FADS2: variants seen among roughly 807,000 people sequenced by gnomAD.
The protein encoded by FADS2 is fatty acid desaturase 2, also known as acyl-CoA 6-desaturase.
A neutral mutation model predicts 61.2 loss-of-function variants in FADS2; 18 were observed. That is an observed-to-expected ratio of 0.29 (90% CI 0.20 to 0.44). FADS2 has a LOEUF of 0.44. Ranked by LOEUF, FADS2 falls within the 20% of genes least tolerant of loss-of-function variation. FADS2 has a pLI of 1.00. For missense variants in FADS2, 322 were observed against 572.7 expected (o/e 0.56, Z 4.47); for synonymous variants, 203 against 223.9 (o/e 0.91, Z 0.83).
intron 6 of FADS2, 146 bp downstream of exon 6, chr11:61,857,217 C>A: frequency 2.6e-6 from 2 of 783,570 alleles, no homozygotes; most frequent in Non-Finnish European, 2.2e-6. Context: ...CCTTGCTGTG[C>A]AGACCCCTCA....
intron 5 of FADS2, among the ~76,000 whole-genome samples, chr11:61,849,185 G>A (rs1164256923): frequency 3.9e-5 from 6 of 152,194 alleles, no homozygotes; most frequent in South Asian, 2.1e-4. Context: ...ATGAGCCAAC[G>A]TGCCCAGCCG....
At chr11:61,860,488 C>T (rs74771917) in intron 7 of FADS2, among the ~76,000 whole-genome samples, 11,460 of 152,298 alleles carry the variant, frequency 0.075, 1,041 homozygotes, top group Admixed American at 0.27. Context: ...TGCAGTTCTT[C>T]CTGTTGGCTT....
intron 5 of FADS2, chr11:61,854,909 T>A (rs1487546225): frequency 6.6e-6 from 1 of 152,298 alleles, no homozygotes; most frequent in African/African-American, 2.4e-5. Context: ...GGCCTGCTGC[T>A]GCCTGGCAAG....
In FADS2 at chr11:61,828,426, C is replaced by G. The variant is rs781199101; in HGVS notation, c.36C>G (p.Ala12=). The G allele has an allele frequency of 2.5e-6, 4 of 1,583,292 alleles. No homozygotes were observed. The highest frequency in any genetic ancestry group is 2.7e-5 in the African/African-American group (2 of 74,714). ...GKGGNQGEGA[A]EREVSVPTFS... The stretch of plus-strand genomic sequence containing the variant: ...GAGGGAACCAGGGCGAGGGGGCCGC[C>G]GAGCGCGAGGTGTCGGTGCCCACCT... Residue 12 remains alanine, a synonymous_variant, in exon 1 of 12, where the codon GCC becomes GCG. Transcript: ENST00000278840. This position sits in a 1 kb window ranked among gnomAD's most constrained non-coding sequence, Gnocchi z 6.4.
At chr11:61,821,447 G>T in intron 1 of FADS2, 1 of 701,578 alleles carries the variant, frequency 1.4e-6, no homozygotes, top group Non-Finnish European at 2.6e-6. Flanking sequence ...AACTGCCAGT[G>T]GCTGTTGGAA....
Position 61,816,640 on chromosome 11 carries a change from C to T in FADS2, c.141+214C>T. On this transcript the variant is annotated intron_variant, in intron 1 of 11. Coordinates refer to the FADS2 transcript ENST00000257261. The surrounding 1 kb of genome is among the most constrained non-coding windows in gnomAD (Gnocchi z 7.0). ...GAACTCGCTGATGTTGTACACCTTA[C>T]GGTCGATCACTAGCCACCGCTCCTC... 1 of 1,603,854 alleles carries T rather than the reference C, an allele frequency of 6.2e-7. No homozygotes were observed. Among genetic ancestry groups the T allele is most frequent in the Non-Finnish European group, 8.5e-7 (1 of 1,176,062 alleles).
Position 61,857,502 on chromosome 11 carries a change from T to C in FADS2, c.854T>C (p.Met285Thr), listed in dbSNP as rs1213439148. The change falls in exon 7 of 12, where the codon ATG becomes ACG. Residue 285 changes from methionine (M) to threonine (T), a missense_variant. Met to Thr is a moderately conservative substitution (Grantham distance 81). This residue lies in a region of FADS2 where 221 missense variants were observed against 427.9 expected (regional missense o/e 0.52). Coordinates refer to ENST00000278840, the MANE Select transcript of FADS2 (RefSeq NM_004265.4). ...ATGTATTTCCAGTACCAGATCATCA[T>C]GACCATGATCGTCCATAAGAACTGG... ...IPMYFQYQII[M>T]TMIVHKNWVD... 1.2e-6 allele frequency: 2 copies of C among 1,613,964 alleles called. No individual in the cohort carries two copies. Among genetic ancestry groups the C allele is most frequent in the Non-Finnish European group, 1.7e-6 (2 of 1,179,972 alleles).
intron 5 of FADS2, among the ~76,000 whole-genome samples, chr11:61,850,173 T>A (rs905278219): frequency 1.3e-5 from 2 of 152,260 alleles, no homozygotes; most frequent in African/African-American, 4.8e-5. Flanking sequence ...GTTGTACTTC[T>A]GAACCATAAC....
chr11:61,864,047 T>C, intron 10 of FADS2: 1 of 476,314 alleles, frequency 2.1e-6, no homozygotes, highest in Non-Finnish European at 3.8e-6. Flanking sequence ...CATGTGGGCC[T>C]GGGACTTTGT....
upstream of FADS2, chr11:61,827,910 C>T (rs1280858460): frequency 6.1e-6 from 3 of 489,888 alleles, no homozygotes; most frequent in Non-Finnish European, 5.4e-6. This position sits in a 1 kb window ranked among gnomAD's most constrained non-coding sequence, Gnocchi z 4.5. Context: ...CCCGCCGCTC[C>T]AGCCCGCTGG....
rs561237185 is a variant in FADS2, at chr11:61,866,623, T to A, written c.*934T>A. ...GCAGTGCCAGCCAATCCCTGGCCATTTGGCCCCAGGGGACGTGGGCCCTGC... is the reference window on the plus strand; with the variant it reads ...GCAGTGCCAGCCAATCCCTGGCCATATGGCCCCAGGGGACGTGGGCCCTGC... On this transcript the variant is annotated 3_prime_UTR_variant, in exon 12 of 12. Coordinates refer to ENST00000278840, the MANE Select transcript of FADS2 (RefSeq NM_004265.4). The A allele has an allele frequency of 6.6e-6, 1 of 152,374 alleles. No homozygotes were observed. The highest frequency in any genetic ancestry group is 1.5e-5 in the Non-Finnish European group (1 of 68,098). The allele number at this position is 152,374 out of a possible 1,614,324, so 9.4% of individuals were successfully genotyped here. A position where few individuals can be genotyped will look rare whatever the true frequency, so the allele number is the denominator to read the frequency against.
chr11:61,826,291 C>G, upstream of FADS2: 1 of 702,590 alleles, frequency 1.4e-6, no homozygotes. Flanking sequence ...AGGACCTACC[C>G]TGGCTGGTAC....
At chr11:61,826,108 T>G, upstream of FADS2, 1 of 702,638 alleles carries the variant, frequency 1.4e-6, no homozygotes, top group Non-Finnish European at 2.6e-6. Context: ...ACAGTACACC[T>G]GCTTTACGGA....
intron 1 of FADS2, chr11:61,821,397 C>A (rs943392138): frequency 8.5e-6 from 6 of 701,978 alleles, no homozygotes; most frequent in Non-Finnish European, 1.6e-5. Context: ...AAAAAAAAGA[C>A]CTTAATGCCG....
At chr11:61,852,912 T>C (rs1168504807) in intron 5 of FADS2, among the ~76,000 whole-genome samples, 1 of 152,180 alleles carries the variant, frequency 6.6e-6, no homozygotes, top group Non-Finnish European at 1.5e-5. Flanking sequence ...CCCAGCACTT[T>C]GGGAGGCCGA....
upstream of FADS2, among the ~76,000 whole-genome samples, chr11:61,826,830 C>T (rs2096910391): frequency 6.6e-6 from 1 of 152,170 alleles, no homozygotes; most frequent in African/African-American, 2.4e-5. Flanking sequence ...GAGTGATCCC[C>T]CCACCACCCC....
At chr11:61,841,837 A>G (rs1027566925) in intron 4 of FADS2, among the ~76,000 whole-genome samples, 3 of 152,192 alleles carry the variant, frequency 2.0e-5, no homozygotes, top group Non-Finnish European at 4.4e-5. Context: ...CAGCTGGCCC[A>G]AAGGACAAAA....
intron 7 of FADS2, among the ~76,000 whole-genome samples, chr11:61,860,280 A>G (rs1591180803): frequency 1.3e-5 from 2 of 152,212 alleles, no homozygotes; most frequent in African/African-American, 2.4e-5. Context: ...CCAGGTGCCA[A>G]TAGTGTGGAG....
intron 5 of FADS2, chr11:61,856,792 A>C: frequency 1.8e-6 from 1 of 569,360 alleles, no homozygotes; most frequent in Non-Finnish European, 3.1e-6. Flanking sequence ...GTGCTCGGCT[A>C]GGGCTGAGGA....
Sources: gnomAD v4.1 joint callset for allele counts (sites outside exome capture counted in the v4.1 genomes callset) on GRCh38, gnomAD v4.1.1 for gene constraint, gnomAD v4.1.1 regional missense constraint, Gnocchi (gnomAD v3.1) non-coding constraint, MANE v1.5 for transcripts, NCBI Gene and HGNC (gene_info 2026-07-23, HGNC 2026-07-21) for gene names.